TMEM132D: variants seen among roughly 807,000 people sequenced by gnomAD.
TMEM132D encodes the protein mature OL transmembrane protein.
Under a neutral mutation model 62.3 loss-of-function variants are expected in TMEM132D, and 21 were observed. That is an observed-to-expected ratio of 0.34 (90% CI 0.24 to 0.49). TMEM132D has a LOEUF of 0.49. TMEM132D is among the 20% of genes least tolerant of loss of function. The probability of loss-of-function intolerance (pLI) is 0.99; values close to 1 mark genes in which losing one functional copy is unlikely to be tolerated. For missense variants in TMEM132D, 1,346 were observed against 1,402.8 expected (o/e 0.96, Z 0.65); for synonymous variants, 621 against 575.6 (o/e 1.08, Z -1.13).
At chr12:129,324,665 C>G (rs973052065) in intron 4 of TMEM132D, among the ~76,000 whole-genome samples, 1 of 151,958 alleles carries the variant, frequency 6.6e-6, no homozygotes, top group South Asian at 2.1e-4. Context: ...CCCATCCCTA[C>G]TAGAAATACA....
chr12:129,153,155 T>C (rs955571158), intron 5 of TMEM132D, among the ~76,000 whole-genome samples: 1 of 152,168 alleles, frequency 6.6e-6, no homozygotes, highest in East Asian at 1.9e-4. Context: ...TCGAGTCCTT[T>C]GCTGTCGTTT....
chr12:129,818,050 GAGA>G (rs1872414807), intron 1 of TMEM132D, among the ~76,000 whole-genome samples: 4 of 148,202 alleles, frequency 2.7e-5, no homozygotes, highest in East Asian at 4.1e-4. Flanking sequence ...TGTGTGGTGT[GAGA>G]TGTATGTGTG....
chr12:129,889,739 C>T (rs1490024969), intron 1 of TMEM132D, among the ~76,000 whole-genome samples: 1 of 152,166 alleles, frequency 6.6e-6, no homozygotes, highest in East Asian at 1.9e-4. Context: ...CAATGCTGAC[C>T]AGGACAGTAG....
rs115206713 is a variant in TMEM132D at position 129,096,188 on chromosome 12, C to T, written c.1444-11486G>A. The stretch of plus-strand genomic sequence containing the variant: ...CCACTGTGCAGATGAGAAACTGAGG[C>T]GCGATGAGATTAGGTGACTTATTAA... On this transcript the variant is annotated intron_variant, in intron 5 of 8. Transcript: ENST00000422113. 3.8e-3 allele frequency among the ~76,000 whole-genome samples: 578 copies of T among 152,242 alleles called. 3 individuals are homozygous for T. The highest frequency in any genetic ancestry group is 0.013 in the African/African-American group (523 of 41,554).
chr12:129,296,575 G>C (rs1881583530), intron 4 of TMEM132D, among the ~76,000 whole-genome samples: 1 of 152,148 alleles, frequency 6.6e-6, no homozygotes, highest in Admixed American at 6.5e-5. Context: ...GATAAATCTG[G>C]ATATAGGCTG....
rs553488259 is a variant in TMEM132D at position 129,843,662 on chromosome 12, T to C, written c.79+59599A>G. On this transcript the variant is annotated intron_variant, in intron 1 of 8. Transcript: ENST00000422113. The stretch of plus-strand genomic sequence containing the variant: ...ACCTTCACAGTATTAGAGTCTATAA[T>C]ACAAATACATCACATTTGTAACAAC... Among the ~76,000 whole-genome samples the C allele has an allele frequency of 5.3e-5, 8 of 152,300 alleles. No homozygotes were observed. In the South Asian group the frequency reaches 1.7e-3, roughly 32 times the overall value.
chr12:129,674,361 A>G (rs914423274), intron 2 of TMEM132D, among the ~76,000 whole-genome samples: 1 of 152,224 alleles, frequency 6.6e-6, no homozygotes, highest in Non-Finnish European at 1.5e-5. Flanking sequence ...ACTTAGGTAG[A>G]GAATGTCAGA....
intron 3 of TMEM132D, among the ~76,000 whole-genome samples, chr12:129,378,529 GA>G (rs1209121939): frequency 6.6e-6 from 1 of 152,216 alleles, no homozygotes; most frequent in African/African-American, 2.4e-5. Flanking sequence ...CAAAGTAGTT[GA>G]AAGCTAGAGA....
chr12:129,594,046 C>T (rs538644826), intron 2 of TMEM132D, among the ~76,000 whole-genome samples: 2 of 152,310 alleles, frequency 1.3e-5, no homozygotes, highest in South Asian at 4.1e-4. Flanking sequence ...AACCAAGGGG[C>T]TCACTTCTGG....
intron 3 of TMEM132D, among the ~76,000 whole-genome samples, chr12:129,412,156 T>TA (rs147163846): frequency 0.18 from 26,719 of 149,626 alleles, 2,580 homozygotes; most frequent in Non-Finnish European, 0.22. Flanking sequence ...CAAATTTATT[T>TA]AAAAAAAAAA....
intron 2 of TMEM132D, among the ~76,000 whole-genome samples, chr12:129,690,780 T>C (rs748356056): frequency 6.6e-6 from 1 of 152,160 alleles, no homozygotes; most frequent in Non-Finnish European, 1.5e-5. Context: ...GAGCAACTGA[T>C]AGATCAAACA....
intron 3 of TMEM132D, among the ~76,000 whole-genome samples, chr12:129,519,332 A>G (rs1010467105): frequency 2.0e-5 from 3 of 152,210 alleles, no homozygotes; most frequent in Admixed American, 2.0e-4. Context: ...TTTGTAAAAG[A>G]TATTTCAAAA....
intron 2 of TMEM132D, among the ~76,000 whole-genome samples, chr12:129,574,084 A>G (rs1421429709): frequency 6.6e-6 from 1 of 151,946 alleles, no homozygotes; most frequent in East Asian, 1.9e-4. Flanking sequence ...TGTAACGTTT[A>G]CAATAAGAGG....
At position 129,285,257 on chromosome 12, in the gene TMEM132D, G is replaced by T. The variant is rs559444826; in HGVS notation, c.1299+52377C>A. On this transcript the variant is annotated intron_variant, in intron 4 of 8. Coordinates refer to ENST00000422113, the MANE Select transcript of TMEM132D (RefSeq NM_133448.3). Reference sequence around the variant, plus strand: ...CTCTAGGCTGGGTGTGGTGGCTCACGCCTGTAATCTCAGCACTTTGGGAGG... The same window carrying T: ...CTCTAGGCTGGGTGTGGTGGCTCACTCCTGTAATCTCAGCACTTTGGGAGG... Among the ~76,000 whole-genome samples, 4 of 151,786 alleles carry T rather than the reference G, an allele frequency of 2.6e-5. No individual in the cohort carries two copies. The East Asian group carries it at 7.8e-4, about 30-fold the overall frequency.
intron 5 of TMEM132D, among the ~76,000 whole-genome samples, chr12:129,146,290 T>G (rs1876894136): frequency 6.6e-6 from 1 of 152,168 alleles, no homozygotes; most frequent in South Asian, 2.1e-4. Context: ...ATCCCACTGA[T>G]TCTACCTGCT....
chr12:129,405,576 T>C (rs1024885748), intron 3 of TMEM132D, among the ~76,000 whole-genome samples: 1 of 152,148 alleles, frequency 6.6e-6, no homozygotes, highest in Non-Finnish European at 1.5e-5. Context: ...CTGCAGGTGC[T>C]GTAGTGTGGA....
intron 5 of TMEM132D, among the ~76,000 whole-genome samples, chr12:129,156,193 A>G (rs1877240118): frequency 6.6e-6 from 1 of 151,190 alleles, no homozygotes; most frequent in African/African-American, 2.4e-5. Context: ...TAACCAACCC[A>G]CTCTCACGAT....
chr12:129,112,281 T>A (rs573445799), intron 5 of TMEM132D, among the ~76,000 whole-genome samples: 1 of 152,320 alleles, frequency 6.6e-6, no homozygotes, highest in East Asian at 1.9e-4. Flanking sequence ...TCCTCAGGCT[T>A]TGAGCCCATG....
intron 3 of TMEM132D, among the ~76,000 whole-genome samples, chr12:129,466,508 T>G (rs1873912125): frequency 6.6e-6 from 1 of 152,076 alleles, no homozygotes; most frequent in African/African-American, 2.4e-5. Context: ...AAATAACAAT[T>G]ATTTTAGCTA....
Sources: allele counts gnomAD v4.1 joint callset (sites outside exome capture counted in the v4.1 genomes callset), GRCh38; gene constraint gnomAD v4.1.1; transcripts MANE v1.5; gene names NCBI Gene and HGNC (gene_info 2026-07-23, HGNC 2026-07-21).